The following PHF6 variants were observed in gnomAD, a reference collection of about 807,000 sequenced individuals.
PHF6 encodes the protein PHD-like zinc finger protein.
PHF6 carries 7 observed loss-of-function variants against 34.0 expected under a neutral mutation model. The observed-to-expected ratio is 0.21, with a 90% CI of 0.12 to 0.39. The LOEUF (loss-of-function observed/expected upper bound fraction) is 0.39. Ranked by LOEUF, PHF6 falls within the 10% of genes least tolerant of loss-of-function variation. The pLI is 1.00. For synonymous variants in PHF6, 89 were observed against 88.4 expected (o/e 1.01, Z -0.04); for missense variants, 128 against 262.8 (o/e 0.49, Z 3.55).
chrX:134,407,553 C>G (rs1046813185), intron 5 of PHF6, among the ~76,000 whole-genome samples: 5 of 112,349 alleles, frequency 4.5e-5, no homozygotes, highest in Non-Finnish European at 7.5e-5. Flanking sequence ...GTGGAAAAAG[C>G]AAGATGCAGA....
intron 1 of PHF6, 81 bp from the exon 2 acceptor site, chrX:134,377,491 A>G (rs2077282661): frequency 6.3e-6 from 5 of 796,869 alleles, no homozygotes; most frequent in African/African-American, 2.1e-5. Context: ...AACCTAGGTC[A>G]AATTTTTAAC....
intron 5 of PHF6, among the ~76,000 whole-genome samples, chrX:134,394,398 C>T (rs1339771525): frequency 5.4e-5 from 6 of 111,451 alleles, no homozygotes; most frequent in East Asian, 2.8e-4. Flanking sequence ...TCCCAAAGTG[C>T]TGGGATTACA....
At chrX:134,383,110 T>C (rs936466553) in intron 3 of PHF6, among the ~76,000 whole-genome samples, 2 of 110,442 alleles carry the variant, frequency 1.8e-5, no homozygotes, top group Non-Finnish European at 3.8e-5. Flanking sequence ...AAATGTGGCA[T>C]GTTCCTGTAG....
chrX:134,406,053 CCTTTTT>C (rs1213880267), intron 5 of PHF6, among the ~76,000 whole-genome samples: 29 of 83,617 alleles, frequency 3.5e-4, no homozygotes, highest in African/African-American at 1.1e-3. Context: ...TAATGCCTGT[CCTTTTT>C]CTTTTTCTTT....
intron 5 of PHF6, among the ~76,000 whole-genome samples, chrX:134,410,028 T>G (rs905759168): frequency 3.6e-5 from 4 of 112,042 alleles, no homozygotes; most frequent in African/African-American, 1.3e-4. Context: ...ATTTTCTTTA[T>G]CCAGTCCACC....
At chrX:134,379,989 T>A (rs900356913) in intron 3 of PHF6, among the ~76,000 whole-genome samples, 1 of 111,849 alleles carries the variant, frequency 8.9e-6, no homozygotes, top group African/African-American at 3.3e-5. Flanking sequence ...TGTTAGCATT[T>A]TGTCACTTGA....
chrX:134,416,052 C>T (rs957629014), intron 8 of PHF6, among the ~76,000 whole-genome samples: 3 of 110,241 alleles, frequency 2.7e-5, no homozygotes, highest in Admixed American at 1.9e-4. Flanking sequence ...CTCTGCCTCC[C>T]GGGTTCAAGT....
intron 9 of PHF6, chrX:134,419,787 A>T (rs2077484617): frequency 1.8e-5 from 2 of 111,877 alleles, no homozygotes; most frequent in Admixed American, 1.9e-4. Flanking sequence ...CTAATTGAGA[A>T]CCATTAGACT....
rs1259817207 is a variant in PHF6 at position 134,427,780 on chromosome X, C to A, written c.*2120C>A. 3 of 159,572 alleles carry A rather than the reference C, an allele frequency of 1.9e-5. No individual in the cohort carries two copies. Among genetic ancestry groups the A allele is most frequent in the Non-Finnish European group, 3.6e-5 (3 of 82,201 alleles). The allele number at this position is 159,572 out of a possible 1,213,427, so 13.2% of individuals were successfully genotyped here. ...TGTAAATTGAATTCACATGAAAAAT[C>A]ATGTTTGGTTGTAAACCTCCAATGT... On this transcript the variant is annotated 3_prime_UTR_variant, in exon 11 of 11. Transcript: ENST00000370803.
chrX:134,390,727 C>T (rs747592708), intron 3 of PHF6, among the ~76,000 whole-genome samples: 4 of 111,280 alleles, frequency 3.6e-5, no homozygotes, highest in Non-Finnish European at 7.5e-5. Context: ...ACCAGCCACC[C>T]AGAGATAGCC....
intron 3 of PHF6, among the ~76,000 whole-genome samples, chrX:134,390,807 T>A (rs976026847): frequency 9.0e-5 from 10 of 111,157 alleles, no homozygotes; most frequent in African/African-American, 2.6e-4. Context: ...GTTGGGTTCA[T>A]AATTCACATA....
chrX:134,424,024 C>T (rs1391499598), intron 9 of PHF6, among the ~76,000 whole-genome samples: 2 of 108,360 alleles, frequency 1.8e-5, no homozygotes, highest in East Asian at 2.9e-4. Context: ...GATGAGTTAA[C>T]GGGTGCAGCA....
chrX:134,425,110 A>C, intron 9 of PHF6, 91 bp from the exon 10 acceptor site: 1 of 1,084,620 alleles, frequency 9.2e-7, no homozygotes, highest in African/African-American at 1.8e-5. Context: ...CCCATGTTTT[A>C]AATGGGCACT....
At chrX:134,379,991 G>A (rs995982234) in intron 3 of PHF6, among the ~76,000 whole-genome samples, 1 of 111,385 alleles carries the variant, frequency 9.0e-6, no homozygotes, top group African/African-American at 3.3e-5. Context: ...TTAGCATTTT[G>A]TCACTTGACA....
At chrX:134,403,803 A>G (rs1456190623) in intron 5 of PHF6, among the ~76,000 whole-genome samples, 1 of 111,789 alleles carries the variant, frequency 8.9e-6, no homozygotes, top group East Asian at 2.8e-4. Flanking sequence ...ATTACAATAA[A>G]TCTACTCTGT....
chrX:134,424,798 A>G (rs1271328266), intron 9 of PHF6, among the ~76,000 whole-genome samples: 2 of 112,400 alleles, frequency 1.8e-5, no homozygotes, highest in Non-Finnish European at 3.8e-5. Flanking sequence ...AGAAGGCAGC[A>G]GTATAGATAG....
intron 8 of PHF6, 122 bp from the exon 9 acceptor site, chrX:134,417,047 T>G (rs1244849762): frequency 2.6e-6 from 2 of 760,201 alleles, no homozygotes; most frequent in Non-Finnish European, 3.9e-6. Flanking sequence ...AAAGTATGGT[T>G]TAAGTTGCAG....
chrX:134,393,945 C>T lies in PHF6; in HGVS notation c.411C>T (p.Asn137=). ...YCRKHKKTAH[N]SEADLEESFN... ...GAAAACACAAGAAAACTGCACATAA[C>T]TCCGAAGGTACATCATTTAGCCACG... is the stretch of plus-strand genomic sequence containing the variant. The change falls in exon 5 of 11, where the codon AAC becomes AAT. Residue 137 remains asparagine, a synonymous_variant. Coordinates refer to ENST00000370803, the MANE Select transcript of PHF6 (RefSeq NM_001015877.2). 2 of 1,210,482 alleles carry T rather than the reference C, an allele frequency of 1.7e-6. No individual in the cohort carries two copies. Among genetic ancestry groups the T allele is most frequent in the Non-Finnish European group, 2.2e-6 (2 of 894,671 alleles).
chrX:134,404,006 C>G (rs1374151877), intron 5 of PHF6, among the ~76,000 whole-genome samples: 2 of 112,176 alleles, frequency 1.8e-5, no homozygotes, highest in African/African-American at 6.5e-5. Context: ...TTCATGCATG[C>G]TAGTACAGCA....
Sources: gnomAD v4.1 joint callset for allele counts (sites outside exome capture counted in the v4.1 genomes callset) on GRCh38, gnomAD v4.1.1 for gene constraint, MANE v1.5 for transcripts, NCBI Gene and HGNC (gene_info 2026-07-23, HGNC 2026-07-21) for gene names.